Variants in ROBO2 observed in about 807,000 individuals in gnomAD.
ROBO2 encodes the protein roundabout guidance receptor 2.
Under a neutral mutation model 160.8 loss-of-function variants are expected in ROBO2, and 53 were observed. The ratio of observed to expected loss-of-function variants is 0.33; its 90% CI spans 0.26 to 0.41. The LOEUF (loss-of-function observed/expected upper bound fraction) is 0.41, where lower values mean the gene tolerates loss of function less well. ROBO2 is among the 10% of genes least tolerant of loss of function. The pLI, the probability that ROBO2 is intolerant of heterozygous loss-of-function variation, is 1.00. For missense variants in ROBO2, 1,577 were observed against 1,722.4 expected (o/e 0.92, Z 1.49); for synonymous variants, 664 against 611.7 (o/e 1.09, Z -1.26).
chr3:76,397,639 A>G, intron 2 of ROBO2, among the ~76,000 whole-genome samples: 1 of 151,110 alleles, frequency 6.6e-6, no homozygotes, highest in Non-Finnish European at 1.5e-5. Context: ...AAGAAAACAA[A>G]CAACCCCATC....
At chr3:76,274,171 T>G (rs894477806) in intron 2 of ROBO2, among the ~76,000 whole-genome samples, 3 of 152,194 alleles carry the variant, frequency 2.0e-5, no homozygotes, top group Admixed American at 1.3e-4. Context: ...ATAGCTAACA[T>G]TAACATAGAT....
At chr3:77,232,214 ATAATT>A (rs780556304) in intron 2 of ROBO2, among the ~76,000 whole-genome samples, 98 of 152,368 alleles carry the variant, frequency 6.4e-4, no homozygotes, top group Non-Finnish European at 1.0e-3. Flanking sequence ...CATAAATAAT[ATAATT>A]TAAGTTGGTG....
chr3:77,096,573 C>T (rs1395075364), intron 1 of ROBO2, among the ~76,000 whole-genome samples: 7 of 151,760 alleles, frequency 4.6e-5, no homozygotes, highest in African/African-American at 7.3e-5. Flanking sequence ...CTCAGCCTCC[C>T]GAGTAGCTGG....
At chr3:77,387,182 G>A (rs1286765197) in intron 2 of ROBO2, among the ~76,000 whole-genome samples, 1 of 151,576 alleles carries the variant, frequency 6.6e-6, no homozygotes, top group Non-Finnish European at 1.5e-5. Context: ...GGACTATCAT[G>A]CCCCTGGTGG....
intron 2 of ROBO2, among the ~76,000 whole-genome samples, chr3:75,977,220 AT>A (rs1459892645): frequency 2.6e-5 from 4 of 151,662 alleles, no homozygotes; most frequent in African/African-American, 9.6e-5. Context: ...CCCTGGCAAC[AT>A]AATAGACACT....
intron 2 of ROBO2, among the ~76,000 whole-genome samples, chr3:76,139,407 T>A (rs939134996): frequency 1.3e-5 from 2 of 152,056 alleles, no homozygotes; most frequent in African/African-American, 4.8e-5. Flanking sequence ...AAGAACCAAA[T>A]CTCTGAATCT....
rs573606767 is a variant in ROBO2 at position 76,579,709 on chromosome 3, C to T, written c.110-518305C>T. On this transcript the variant is annotated intron_variant, in intron 2 of 26. Transcript: ENST00000487694. ...TGGAGGTCAGCTGGAGCCATATGTA[C>T]GAAATTTGGAAGCTGACAAAATAGG... 2.3e-4 allele frequency among the ~76,000 whole-genome samples: 33 copies of T among 143,136 alleles called. No individual in the cohort carries two copies. In the South Asian group the frequency reaches 2.8e-3, roughly 12 times the overall value. The allele number at this position is 143,136 out of a possible 152,430, so 93.9% of individuals were successfully genotyped here.
At chr3:76,541,289 T>C (rs1353656182) in intron 2 of ROBO2, among the ~76,000 whole-genome samples, 4 of 152,262 alleles carry the variant, frequency 2.6e-5, no homozygotes, top group Admixed American at 6.5e-5. Flanking sequence ...ACTCTTTACA[T>C]TGGTTTCTCT....
At chr3:76,498,946 C>T (rs2107616920) in intron 2 of ROBO2, among the ~76,000 whole-genome samples, 1 of 152,234 alleles carries the variant, frequency 6.6e-6, no homozygotes, top group South Asian at 2.1e-4. Flanking sequence ...CTCAGCCTCC[C>T]AAAGTGCTGG....
At chr3:76,016,754 A>G (rs2066416984) in intron 2 of ROBO2, among the ~76,000 whole-genome samples, 1 of 152,152 alleles carries the variant, frequency 6.6e-6, no homozygotes, top group South Asian at 2.1e-4. Context: ...ACTCGTCTGC[A>G]CCTAGTAGGA....
intron 2 of ROBO2, among the ~76,000 whole-genome samples, chr3:76,055,004 G>T (rs1007476202): frequency 6.6e-6 from 1 of 152,152 alleles, no homozygotes; most frequent in Admixed American, 6.5e-5. Context: ...CCGAGACTGG[G>T]TCATTTATCA....
chr3:76,502,475 A>C (rs2080514543), intron 2 of ROBO2, among the ~76,000 whole-genome samples: 1 of 152,268 alleles, frequency 6.6e-6, no homozygotes, highest in African/African-American at 2.4e-5. Context: ...TAATATAGCA[A>C]GTGCTCCACT....
At chr3:77,187,114 A>G (rs946718950) in intron 2 of ROBO2, among the ~76,000 whole-genome samples, 3 of 152,046 alleles carry the variant, frequency 2.0e-5, no homozygotes, top group African/African-American at 7.2e-5. Context: ...TTCATTGTAA[A>G]AAGCTAAAAC....
chr3:77,444,853 T>C (rs529325224), intron 2 of ROBO2, among the ~76,000 whole-genome samples: 30 of 152,206 alleles, frequency 2.0e-4, no homozygotes, highest in African/African-American at 6.5e-4. Flanking sequence ...CAGTTAGGAG[T>C]TGTCAGCAGA....
At chr3:76,449,478 G>A (rs1327131001) in intron 2 of ROBO2, among the ~76,000 whole-genome samples, 2 of 152,076 alleles carry the variant, frequency 1.3e-5, no homozygotes, top group African/African-American at 4.8e-5. Flanking sequence ...TGCTGGGGTA[G>A]GGGTAGGTCT....
chr3:75,985,245 A>T (rs1250420684), intron 2 of ROBO2, among the ~76,000 whole-genome samples: 1 of 151,492 alleles, frequency 6.6e-6, no homozygotes. Context: ...GACTTTGGCC[A>T]ATATCCGTAA....
chr3:76,027,806 A>C (rs2066793914), intron 2 of ROBO2, among the ~76,000 whole-genome samples: 1 of 151,970 alleles, frequency 6.6e-6, no homozygotes. Flanking sequence ...TGTACTAAAA[A>C]GTTATTTGTT....
intron 2 of ROBO2, among the ~76,000 whole-genome samples, chr3:76,394,870 A>G (rs2077347685): frequency 6.6e-6 from 1 of 152,150 alleles, no homozygotes; most frequent in Non-Finnish European, 1.5e-5. Flanking sequence ...CCCACACAAT[A>G]ATAATGGGAG....
chr3:76,829,659 C>CT (rs1301976905), intron 2 of ROBO2, among the ~76,000 whole-genome samples: 142 of 144,424 alleles, frequency 9.8e-4, no homozygotes, highest in Admixed American at 1.6e-3. Context: ...CCTTTTCTTT[C>CT]TTTTTTTTTC....
Sources: gnomAD v4.1 joint callset for allele counts (sites outside exome capture counted in the v4.1 genomes callset) on GRCh38, gnomAD v4.1.1 for gene constraint, MANE v1.5 for transcripts, NCBI Gene and HGNC (gene_info 2026-07-23, HGNC 2026-07-21) for gene names.